The following HEATR5B variants were observed in gnomAD, a reference collection of about 807,000 sequenced individuals.
The protein encoded by HEATR5B is HEAT repeat-containing protein 5B.
In HEATR5B, 156 loss-of-function variants were observed where a neutral mutation model predicts 224.1. That is an observed-to-expected ratio of 0.70 (90% confidence interval 0.61 to 0.80). The LOEUF is 0.80. Among genes scored for constraint, HEATR5B ranks in the 30% least tolerant of loss-of-function variants. HEATR5B has a pLI of 0.00. For missense variants in HEATR5B, 2,323 were observed against 2,535.5 expected (o/e 0.92, Z 1.80); for synonymous variants, 1,027 against 893.0 (o/e 1.15, Z -2.68).
intron 7 of HEATR5B, among the ~76,000 whole-genome samples, chr2:37,069,825 A>G (rs532883927): frequency 6.6e-6 from 1 of 152,222 alleles, no homozygotes; most frequent in Non-Finnish European, 1.5e-5. Flanking sequence ...AAACCAGACA[A>G]TATTAAAAAT....
intron 18 of HEATR5B, among the ~76,000 whole-genome samples, chr2:37,048,473 A>ACG (rs994252769): frequency 4.3e-4 from 65 of 152,068 alleles, no homozygotes; most frequent in Admixed American, 3.4e-3. Flanking sequence ...GCAAAAGATA[A>ACG]CGCGCCCAGC....
chr2:36,994,215 G>A (rs1420471937), intron 33 of HEATR5B, among the ~76,000 whole-genome samples: 3 of 152,138 alleles, frequency 2.0e-5, no homozygotes, highest in Non-Finnish European at 4.4e-5. Context: ...TTGACAACTG[G>A]TGAATCTAGG....
At chr2:37,082,198 T>C (rs1458041601) in intron 2 of HEATR5B, among the ~76,000 whole-genome samples, 2 of 149,936 alleles carry the variant, frequency 1.3e-5, no homozygotes, top group Admixed American at 6.8e-5. Flanking sequence ...GCCTCCCCAG[T>C]AGCTGGGATT....
intron 24 of HEATR5B, among the ~76,000 whole-genome samples, chr2:37,022,815 T>G (rs377486329): frequency 6.6e-6 from 1 of 152,194 alleles, no homozygotes; most frequent in African/African-American, 2.4e-5. Flanking sequence ...TGATACCAAG[T>G]AATTTAACTA....
chr2:37,022,949 G>C (rs965380642), intron 24 of HEATR5B, among the ~76,000 whole-genome samples: 3 of 151,960 alleles, frequency 2.0e-5, no homozygotes, highest in African/African-American at 7.3e-5. Context: ...AGGGAAATAT[G>C]TCTCACAACA....
intron 3 of HEATR5B, 47 bp downstream of exon 3, chr2:37,079,073 A>C: frequency 5.6e-6 from 7 of 1,242,048 alleles, no homozygotes; most frequent in Non-Finnish European, 7.9e-6. Flanking sequence ...AGTTTCCTTG[A>C]AAGAAAAAAT....
intron 10 of HEATR5B, among the ~76,000 whole-genome samples, chr2:37,062,345 G>A (rs1049906414): frequency 6.6e-6 from 1 of 152,168 alleles, no homozygotes; most frequent in Non-Finnish European, 1.5e-5. Context: ...CAGGAGAATT[G>A]CTTGAACTGG....
intron 2 of HEATR5B, among the ~76,000 whole-genome samples, chr2:37,080,435 T>C (rs917937203): frequency 2.0e-5 from 3 of 152,182 alleles, no homozygotes; most frequent in Admixed American, 6.5e-5. Context: ...GCGGTAACCA[T>C]AGAGATGATA....
intron 10 of HEATR5B, among the ~76,000 whole-genome samples, chr2:37,064,265 A>G (rs1015278818): frequency 6.7e-6 from 1 of 149,048 alleles, no homozygotes; most frequent in Non-Finnish European, 1.5e-5. Flanking sequence ...AATAATTACT[A>G]TATCTAAGGT....
Position 37,083,372 on chromosome 2 carries a change from C to A in HEATR5B, c.43G>T (p.Ala15Ser). 1.2e-6 allele frequency: 2 copies of A among 1,613,796 alleles called. No homozygotes were observed. The highest frequency in any genetic ancestry group is 2.2e-5 in the South Asian group (2 of 91,066). ...GGTCTTTTTGCTTCGGTGATTTGAG[C>A]CAAAGCTTCTTCATTTAGCAATAAA... is the stretch of plus-strand genomic sequence containing the variant. ...HSLLLNEEALAQITEAKRPVF... is the reference protein window; with the variant it reads ...HSLLLNEEALSQITEAKRPVF... The change falls in exon 2 of 36, where the codon GCT (alanine) becomes TCT (serine). Residue 15 changes from alanine (A) to serine (S), a missense_variant. By Grantham distance (99) the Ala-to-Ser change is moderately conservative (BLOSUM62 1). This residue lies in a region of HEATR5B where 292 missense variants were observed against 332.6 expected (regional missense o/e 0.88). Transcript: ENST00000233099.
intron 6 of HEATR5B, 24 bp from the exon 7 acceptor site, chr2:37,070,411 A>G (rs376843747): frequency 1.8e-5 from 29 of 1,591,748 alleles, no homozygotes; most frequent in Non-Finnish European, 2.5e-5. Context: ...AAATTAAAGT[A>G]TAAGCAAATA....
At chr2:37,021,146 T>G (rs1382840868) in intron 24 of HEATR5B, among the ~76,000 whole-genome samples, 1 of 152,066 alleles carries the variant, frequency 6.6e-6, no homozygotes, top group Non-Finnish European at 1.5e-5. Flanking sequence ...CAGACTTTTT[T>G]GGTAAAGAAC....
chr2:37,059,023 G>C (rs747938306), intron 12 of HEATR5B, 36 bp from the exon 13 acceptor site: 3 of 1,299,890 alleles, frequency 2.3e-6, no homozygotes, highest in African/African-American at 1.5e-5. Context: ...ATTTGGAGTA[G>C]CTTTTGTGAA....
chr2:37,058,855 T>C (rs756466759), intron 13 of HEATR5B, 33 bp downstream of exon 13: 5 of 1,241,134 alleles, frequency 4.0e-6, no homozygotes, highest in African/African-American at 3.0e-5. Flanking sequence ...ATATATAAAA[T>C]AGGATGTGAA....
At chr2:36,996,362 A>AT (rs1666711016) in intron 33 of HEATR5B, among the ~76,000 whole-genome samples, 4 of 147,822 alleles carry the variant, frequency 2.7e-5, no homozygotes, top group Admixed American at 2.7e-4. Flanking sequence ...CTCGGCCCTG[A>AT]TTTTTCTTTT....
At chr2:37,015,283 TG>T (rs1668044608) in intron 26 of HEATR5B, among the ~76,000 whole-genome samples, 1 of 152,198 alleles carries the variant, frequency 6.6e-6, no homozygotes, top group Non-Finnish European at 1.5e-5. Flanking sequence ...TGTAAGCAAT[TG>T]TGAGTTTCCA....
chr2:36,988,828 G>C lies in HEATR5B; in HGVS notation c.5729C>G (p.Ser1910Ter), dbSNP rs1400551800. The C allele has an allele frequency of 6.8e-6, 11 of 1,614,042 alleles. No individual in the cohort carries two copies. Among genetic ancestry groups the C allele is most frequent in the African/African-American group, 1.3e-5 (1 of 75,058 alleles). Reference sequence around the variant, plus strand: ...GGCACGATTGGAATGCTGGAAGACTGAGAGGAGAAGCTGGTAACATTTGGC... The same window carrying C: ...GGCACGATTGGAATGCTGGAAGACTCAGAGGAGAAGCTGGTAACATTTGGC... ...VQAKCYQLLL[S>*]VFQHSNRALS... Residue 1910 changes from serine (S) to a stop codon, truncating the protein, a stop_gained, in exon 35 of 36, where the codon TCA becomes TGA. Transcript: ENST00000233099. LOFTEE classifies it high-confidence loss of function.
chr2:37,071,233 T>C (rs1671886462), intron 6 of HEATR5B, among the ~76,000 whole-genome samples: 1 of 152,100 alleles, frequency 6.6e-6, no homozygotes, highest in Non-Finnish European at 1.5e-5. Context: ...TCACAGTTAA[T>C]AAATATAAGA....
Position 36,984,215 on chromosome 2 carries a change from A to AAAAT in HEATR5B, c.5912-2422_5912-2421insATTT. 1.2e-3 allele frequency among the ~76,000 whole-genome samples: 93 copies of AAAAT among 77,642 alleles called. 5 individuals are homozygous for AAAAT. Among genetic ancestry groups the AAAAT allele is most frequent in the African/African-American group, 4.7e-3 (81 of 17,054 alleles). The allele number at this position is 77,642 out of a possible 152,430, so 50.9% of individuals were successfully genotyped here. A position where few individuals can be genotyped will look rare whatever the true frequency, so the allele number is the denominator to read the frequency against. On this transcript the variant is annotated intron_variant, in intron 35 of 35. Transcript: ENST00000233099. ...AACTCTGTCTCAAAAAAAAAAAAAA[A>AAAAT]ATATATATATATATATATATATAAA...
Sources: allele counts gnomAD v4.1 joint callset (sites outside exome capture counted in the v4.1 genomes callset), GRCh38; gene constraint gnomAD v4.1.1; regional missense constraint gnomAD v4.1.1; transcripts MANE v1.5; gene names NCBI Gene and HGNC (gene_info 2026-07-23, HGNC 2026-07-21).